GBP5: variants seen among roughly 807,000 people sequenced by gnomAD.
The protein encoded by GBP5 is guanylate binding protein 5, also known as guanylate-binding protein 5.
A neutral mutation model predicts 58.2 loss-of-function variants in GBP5; 48 were observed. The observed-to-expected ratio is 0.83, with a 90% CI of 0.65 to 1.05. The LOEUF is 1.05. Among genes scored for constraint, GBP5 ranks in the 50% least tolerant of loss-of-function variants. The pLI, the probability that GBP5 is intolerant of heterozygous loss-of-function variation, is 0.00. For synonymous variants in GBP5, 248 were observed against 251.8 expected, an observed-to-expected ratio of 0.98 and a Z score of 0.14; for missense variants, 714 against 686.8, an observed-to-expected ratio of 1.04 and a Z score of -0.44.
rs1234382319 is a variant in GBP5 at position 89,272,729 on chromosome 1, GTGA to G, written c.-408_-406del. ...GTTCGTGGTCTCGCTGGCTTCAGGA[GTGA>G]AGCTGCAGACATTCCCAGTGAGTGT... On this transcript the variant is annotated 5_prime_UTR_variant, in exon 1 of 12. Coordinates refer to ENST00000370459, the MANE Select transcript of GBP5 (RefSeq NM_052942.5). 0.013 allele frequency: 1,964 copies of G among 153,506 alleles called. 35 individuals are homozygous for G. Among genetic ancestry groups the G allele is most frequent in the African/African-American group, 0.044 (1,844 of 41,592 alleles). 9.5% of individuals were successfully genotyped at this position (153,506 alleles called of 1,614,324 possible). A position where few individuals can be genotyped will look rare whatever the true frequency, so the allele number is the denominator to read the frequency against.
intron 10 of GBP5, 129 bp from the exon 11 acceptor site, chr1:89,262,530 C>T: frequency 2.1e-6 from 2 of 943,678 alleles, no homozygotes; most frequent in East Asian, 5.2e-5. Context: ...CAGGTAACCA[C>T]AATGCAGGAT....
chr1:89,256,477 G>T lies in GBP5; in HGVS notation c.*4227C>A, dbSNP rs979020556. Among the ~76,000 whole-genome samples, 1 of 152,092 alleles carries T rather than the reference G, an allele frequency of 6.6e-6. No homozygotes were observed. The highest frequency in any genetic ancestry group is 1.5e-5 in the Non-Finnish European group (1 of 68,002). ...GTTCATCTTGTAATTTATTTATATT[G>T]AATATTGTACATTTTATGTTTTTTG... is the stretch of plus-strand genomic sequence containing the variant. On this transcript the variant is annotated 3_prime_UTR_variant, in exon 12 of 12. Transcript: ENST00000370459.
rs1649821950 is a variant in GBP5, at chr1:89,257,383, C to T, written c.*3321G>A. Among the ~76,000 whole-genome samples the T allele has an allele frequency of 6.6e-6, 1 of 152,144 alleles. No individual in the cohort carries two copies. Among genetic ancestry groups the T allele is most frequent in the Non-Finnish European group, 1.5e-5 (1 of 68,030 alleles). The stretch of plus-strand genomic sequence containing the variant: ...TTGATTACCTCCCACCTGGTCCCTC[C>T]CACAACACGTGGGCATTATGGGAGC... On this transcript the variant is annotated 3_prime_UTR_variant, in exon 12 of 12. Transcript: ENST00000370459.
rs1200371329 is a variant in GBP5, at chr1:89,260,664, T to C, written c.*40A>G. On this transcript the variant is annotated 3_prime_UTR_variant, in exon 12 of 12. Transcript: ENST00000370459. ...AGTTTCTTTTCTGTTGTGTCATCAG[T>C]GACAAAGAGTAAAAAAAGGAAACTC... 8 of 1,195,570 alleles carry C rather than the reference T, an allele frequency of 6.7e-6. No homozygotes were observed. Among genetic ancestry groups the C allele is most frequent in the South Asian group, 4.9e-5 (4 of 81,068 alleles). 74.1% of individuals were successfully genotyped at this position (1,195,570 alleles called of 1,614,324 possible). A position where few individuals can be genotyped will look rare whatever the true frequency, so the allele number is the denominator to read the frequency against.
At chr1:89,261,183 T>A (rs1306886687) in intron 11 of GBP5, among the ~76,000 whole-genome samples, 3 of 152,222 alleles carry the variant, frequency 2.0e-5, no homozygotes, top group African/African-American at 4.8e-5. Flanking sequence ...AAACAGTGTA[T>A]CTAAGTGACA....
Position 89,258,420 on chromosome 1 carries a change from TG to T in GBP5, c.*2283del, listed in dbSNP as rs1649863242. On this transcript the variant is annotated 3_prime_UTR_variant, in exon 12 of 12. Transcript: ENST00000370459. Reference sequence around the variant, plus strand: ...GATAACATTTCCTTGGATGATAAAATGTATTTTTTTCTTTATAAATTGCACA... The same window carrying T: ...GATAACATTTCCTTGGATGATAAAATTATTTTTTTCTTTATAAATTGCACA... Among the ~76,000 whole-genome samples, 1 of 152,206 alleles carries T rather than the reference TG, an allele frequency of 6.6e-6. No homozygotes were observed. Among genetic ancestry groups the T allele is most frequent in the Non-Finnish European group, 1.5e-5 (1 of 68,040 alleles).
chr1:89,266,428 T>C lies in GBP5; in HGVS notation c.786A>G (p.Gln262=), dbSNP rs1487569281. ...TGTAGGAACAGAATTCTGTCACTTG[T>C]TGCACAAATTCAGGCTCTAGCTCAT... ...PDDELEPEFV[Q]QVTEFCSYIF... Residue 262 remains glutamine (Q), a synonymous_variant, in exon 7 of 12, where the codon CAA becomes CAG. Transcript: ENST00000370459. The C allele has an allele frequency of 6.2e-7, 1 of 1,614,114 alleles. No individual in the cohort carries two copies. Among genetic ancestry groups the C allele is most frequent in the South Asian group, 1.1e-5 (1 of 91,088 alleles).
At position 89,260,795 on chromosome 1, in the gene GBP5, G is replaced by A; in HGVS notation, c.1670C>T (p.Thr557Ile). 6.2e-7 allele frequency: 1 copy of A among 1,613,748 alleles called. No homozygotes were observed. The highest frequency in any genetic ancestry group is 1.1e-5 in the South Asian group (1 of 91,072). The change falls in exon 12 of 12, where the codon ACA (threonine) becomes ATA (isoleucine). Residue 557 changes from threonine (T) to isoleucine (I), a missense_variant. By Grantham distance (89) the Thr-to-Ile change is moderately conservative. Transcript: ENST00000370459. ...GCTTCTATTTTGAGCTTGGAATGTT[G>A]TGCTGAGCTGTGCAGCCTGTTCCTA... ...QMQEQAAQLS[T>I]TFQAQNRSLL... is the part of the protein sequence containing the mutation.
intron 11 of GBP5, among the ~76,000 whole-genome samples, chr1:89,261,522 T>G (rs566051206): frequency 3.3e-5 from 5 of 152,330 alleles, no homozygotes; most frequent in Admixed American, 3.3e-4. Context: ...TGTGTGATAT[T>G]TGCATTGATT....
chr1:89,267,690 T>C (rs1437513224), intron 4 of GBP5, among the ~76,000 whole-genome samples, 164 bp from the exon 5 acceptor site: 1 of 152,196 alleles, frequency 6.6e-6, no homozygotes, highest in African/African-American at 2.4e-5. Context: ...TTTATACTCA[T>C]CCATATCTTA....
Position 89,263,844 on chromosome 1 carries a change from T to G in GBP5, c.1254A>C (p.Glu418Asp). The change falls in exon 9 of 12, where the codon GAA (glutamate) becomes GAC (aspartate). Residue 418 changes from glutamate to aspartate, a missense_variant. Transcript: ENST00000370459. ...TAGAATAAATTCCCTGCTTCACTGC[T>G]TCTTCTAGAGGACCAAAAATATCCT... The part of the protein sequence containing the change: ...LLKDIFGPLE[E>D]AVKQGIYSKP... 6.2e-7 allele frequency: 1 copy of G among 1,613,218 alleles called. No individual in the cohort carries two copies. Among genetic ancestry groups the G allele is most frequent in the Non-Finnish European group, 8.5e-7 (1 of 1,179,532 alleles).
At position 89,266,360 on chromosome 1, in the gene GBP5, A is replaced by T; in HGVS notation, c.854T>A (p.Met285Lys). Residue 285 changes from methionine to lysine, a missense_variant, in exon 7 of 12, where the codon ATG becomes AAG. By Grantham distance (95) the Met-to-Lys change is moderately conservative. Coordinates refer to ENST00000370459, the MANE Select transcript of GBP5 (RefSeq NM_052942.5). ...SMTKTLPGGI[M>K]VNGSRLKNLV... ...ATAATACTCACGAGATCCATTGACC[A>T]TGATGCCACCTGGAAGAGTCTTGGT... The T allele has an allele frequency of 6.2e-7, 1 of 1,613,460 alleles. No homozygotes were observed. The highest frequency in any genetic ancestry group is 8.5e-7 in the Non-Finnish European group (1 of 1,179,356).
In GBP5 at chr1:89,262,302, T is replaced by TG. The variant is rs1650036968; in HGVS notation, c.1564dup (p.His522ProfsTer43). On this transcript the variant is annotated frameshift_variant, in exon 11 of 12. Coordinates refer to ENST00000370459, the MANE Select transcript of GBP5 (RefSeq NM_052942.5). LOFTEE classifies it high-confidence loss of function. ...CTCCATTTGTCTCACTTGTTCCTGA[T>TG]GGAGTCTCTCCCTCTCCTGCATCAT... 1 of 1,614,170 alleles carries TG rather than the reference T, an allele frequency of 6.2e-7. No homozygotes were observed. The highest frequency in any genetic ancestry group is 2.2e-5 in the East Asian group (1 of 44,892).
rs1649860185 is a variant in GBP5, at chr1:89,258,355, T to C, written c.*2349A>G. On this transcript the variant is annotated 3_prime_UTR_variant, in exon 12 of 12. Coordinates refer to ENST00000370459, the MANE Select transcript of GBP5 (RefSeq NM_052942.5). Reference sequence around the variant, plus strand: ...ATTTCTTTAAGATGGGTAATAAAGATATCAATATTTAATTTGGAGATAGAG... The same window carrying C: ...ATTTCTTTAAGATGGGTAATAAAGACATCAATATTTAATTTGGAGATAGAG... Among the ~76,000 whole-genome samples the C allele has an allele frequency of 6.6e-6, 1 of 152,234 alleles. No individual in the cohort carries two copies. The highest frequency in any genetic ancestry group is 2.1e-4 in the South Asian group (1 of 4,832).
intron 2 of GBP5, chr1:89,270,384 T>C (rs1042430157): frequency 2.2e-4 from 34 of 152,240 alleles, no homozygotes; most frequent in African/African-American, 7.7e-4. Flanking sequence ...GGTTATTTAC[T>C]AAGGATGCTA....
At chr1:89,268,570 T>C (rs1043669773) in intron 4 of GBP5, among the ~76,000 whole-genome samples, 159 bp downstream of exon 4, 2 of 152,206 alleles carry the variant, frequency 1.3e-5, no homozygotes, top group African/African-American at 4.8e-5. Context: ...TATTTTCTCA[T>C]GTCAGGCTTC....
At chr1:89,262,104 T>G in intron 11 of GBP5, 116 bp downstream of exon 11, 1 of 981,342 alleles carries the variant, frequency 1.0e-6, no homozygotes, top group Non-Finnish European at 1.6e-6. Flanking sequence ...TACCCAGACT[T>G]TCTGGCTCCA....
chr1:89,267,513 T>G lies in GBP5; in HGVS notation c.332A>C (p.Asn111Thr). Residue 111 changes from asparagine to threonine, a missense_variant, in exon 5 of 12, where the codon AAT becomes ACT. Coordinates refer to ENST00000370459, the MANE Select transcript of GBP5 (RefSeq NM_052942.5). ...TGCCAGTGCAAAGATCTGGATATCA[T>G]TCTTGTTGTCAGCCTAGAAGTCAGA... The part of the protein sequence containing the change: ...LGDVEKADNK[N>T]DIQIFALALL... The G allele has an allele frequency of 6.2e-7, 1 of 1,613,160 alleles. No individual in the cohort carries two copies. The highest frequency in any genetic ancestry group is 8.5e-7 in the Non-Finnish European group (1 of 1,179,098).
At chr1:89,268,044 G>A (rs1019249017) in intron 4 of GBP5, among the ~76,000 whole-genome samples, 1 of 152,192 alleles carries the variant, frequency 6.6e-6, no homozygotes, top group South Asian at 2.1e-4. Flanking sequence ...GGAAGTTCAA[G>A]AGAAAGATCC....
Sources: gnomAD v4.1 joint callset for allele counts (sites outside exome capture counted in the v4.1 genomes callset) on GRCh38, gnomAD v4.1.1 for gene constraint, MANE v1.5 for transcripts, NCBI Gene and HGNC (gene_info 2026-07-23, HGNC 2026-07-21) for gene names.